TSHZ3: variants seen among roughly 807,000 people sequenced by gnomAD.
TSHZ3 encodes the protein teashirt zinc finger homeobox 3.
A neutral mutation model predicts 64.5 loss-of-function variants in TSHZ3; 10 were observed. The ratio of observed to expected loss-of-function variants is 0.16; its 90% CI spans 0.10 to 0.26. TSHZ3 has a LOEUF of 0.26. TSHZ3 is among the 10% of genes least tolerant of loss of function. TSHZ3 has a pLI of 1.00. For synonymous variants in TSHZ3, 608 were observed against 593.1 expected (o/e 1.03, Z -0.36); for missense variants, 1,242 against 1,421.7 (o/e 0.87, Z 2.03).
chr19:31,199,722 T>C (rs1014825960), intron 5 of TSHZ3, among the ~76,000 whole-genome samples: 1 of 97,812 alleles, frequency 1.0e-5, no homozygotes, highest in African/African-American at 4.3e-5. Flanking sequence ...TAAGCTGGAC[T>C]TCACTAAAAT....
chr19:31,247,236 C>T (rs1177930795), intron 1 of TSHZ3, among the ~76,000 whole-genome samples: 1 of 152,016 alleles, frequency 6.6e-6, no homozygotes, highest in Non-Finnish European at 1.5e-5. Context: ...GAAATATCTC[C>T]CATAAGACGC....
intron 1 of TSHZ3, among the ~76,000 whole-genome samples, chr19:31,336,776 C>T (rs905124551): frequency 1.3e-5 from 2 of 152,128 alleles, no homozygotes; most frequent in Non-Finnish European, 2.9e-5. Context: ...CCAGGAAAGC[C>T]AGAGATTTTT....
intron 1 of TSHZ3, among the ~76,000 whole-genome samples, chr19:31,327,755 A>T (rs1318856059): frequency 6.6e-6 from 1 of 152,246 alleles, no homozygotes; most frequent in African/African-American, 2.4e-5. Flanking sequence ...ATCTTACCAC[A>T]TATTGAAATA....
At chr19:31,323,350 T>C (rs556036657) in intron 1 of TSHZ3, among the ~76,000 whole-genome samples, 1 of 152,288 alleles carries the variant, frequency 6.6e-6, no homozygotes, top group African/African-American at 2.4e-5. Context: ...TTGGGGGCCT[T>C]TAAAAATCAG....
At chr19:31,327,099 G>A (rs1916954109) in intron 1 of TSHZ3, among the ~76,000 whole-genome samples, 1 of 151,978 alleles carries the variant, frequency 6.6e-6, no homozygotes, top group Non-Finnish European at 1.5e-5. Context: ...ACCAGCAGAG[G>A]AGTAAAAAGC....
At chr19:31,170,110 T>C (rs1466033112) in intron 5 of TSHZ3, among the ~76,000 whole-genome samples, 1 of 152,222 alleles carries the variant, frequency 6.6e-6, no homozygotes, top group Non-Finnish European at 1.5e-5. Context: ...AGGTCACTGT[T>C]GCTGATTGGG....
At position 31,185,840 on chromosome 19, in the gene TSHZ3, C is replaced by A. The variant is rs77903293; in HGVS notation, n.809+19116G>T. Among the ~76,000 whole-genome samples, 1,399 of 152,294 alleles carry A rather than the reference C, an allele frequency of 9.2e-3. 21 individuals carry two copies. Among genetic ancestry groups the A allele is most frequent in the African/African-American group, 0.032 (1,334 of 41,556 alleles). ...CCCAGTCAGTGCCTGCCTTCCCACC[C>A]ATCCAAGCAATCACTGTTCTGGTTT... On this transcript the variant is annotated intron_variant and non_coding_transcript_variant, in intron 5 of 6. Transcript: ENST00000651361.
intron 1 of TSHZ3, among the ~76,000 whole-genome samples, chr19:31,299,398 A>C (rs1976717806): frequency 6.6e-6 from 1 of 152,198 alleles, no homozygotes; most frequent in African/African-American, 2.4e-5. Flanking sequence ...AAGGTAGATA[A>C]AGCAAGAAAT....
intron 1 of TSHZ3, among the ~76,000 whole-genome samples, chr19:31,327,906 A>G (rs1404515929): frequency 6.6e-6 from 1 of 152,248 alleles, no homozygotes; most frequent in Non-Finnish European, 1.5e-5. Flanking sequence ...TAGAGTTTAC[A>G]TGGACATTGT....
At chr19:31,193,731 A>G (rs78594951) in intron 5 of TSHZ3, among the ~76,000 whole-genome samples, 2,239 of 152,284 alleles carry the variant, frequency 0.015, 49 homozygotes, top group African/African-American at 0.051. Context: ...ATACATTATG[A>G]TGTGGATAAC....
At chr19:31,304,504 A>G (rs1976806772) in intron 1 of TSHZ3, among the ~76,000 whole-genome samples, 2 of 123,460 alleles carry the variant, frequency 1.6e-5, no homozygotes, top group African/African-American at 5.7e-5. Context: ...CCATAACAAC[A>G]ACAACAACAA....
At chr19:31,252,109 T>G in intron 1 of TSHZ3, among the ~76,000 whole-genome samples, 1 of 152,202 alleles carries the variant, frequency 6.6e-6, no homozygotes, top group Non-Finnish European at 1.5e-5. Flanking sequence ...CCTGAGGCCA[T>G]GACATTAAAC....
chr19:31,349,187 G>T lies in TSHZ3; in HGVS notation c.33C>A (p.Arg11=). ...AGGGGAAGCGGCTCGTACCTGCTGC[G>T]CGCCGGGGCGCCTGCTGCTTCCTCC... MPRRKQQAPR[R]AAAYVSEELK... Residue 11 remains arginine, a synonymous_variant, in exon 1 of 2, where the codon CGC becomes CGA. Coordinates refer to ENST00000240587, the MANE Select transcript of TSHZ3 (RefSeq NM_020856.4). 2 of 1,542,310 alleles carry T rather than the reference G, an allele frequency of 1.3e-6. No homozygotes were observed. Among genetic ancestry groups the T allele is most frequent in the Non-Finnish European group, 1.7e-6 (2 of 1,144,648 alleles).
chr19:31,303,525 C>A (rs1976789307), intron 1 of TSHZ3, among the ~76,000 whole-genome samples: 1 of 152,154 alleles, frequency 6.6e-6, no homozygotes, highest in Non-Finnish European at 1.5e-5. Context: ...ACCTGACCAT[C>A]TCGGTGGGGT....
chr19:31,177,612 G>C (rs570386843), intron 5 of TSHZ3, among the ~76,000 whole-genome samples: 28 of 152,344 alleles, frequency 1.8e-4, no homozygotes, highest in African/African-American at 6.0e-4. Flanking sequence ...TCCACGATGA[G>C]CTCCTGCTTT....
chr19:31,181,746 T>C (rs1286975255), intron 5 of TSHZ3, among the ~76,000 whole-genome samples: 2 of 152,206 alleles, frequency 1.3e-5, no homozygotes, highest in African/African-American at 4.8e-5. Flanking sequence ...CCAGGGGACT[T>C]GGAAAGTGGC....
At chr19:31,256,264 G>C (rs1159703804) in intron 1 of TSHZ3, among the ~76,000 whole-genome samples, 1 of 152,128 alleles carries the variant, frequency 6.6e-6, no homozygotes, top group Non-Finnish European at 1.5e-5. Context: ...AGTCTTCCCT[G>C]TCTAGTGAAG....
chr19:31,223,319 C>A (rs1034809457), intron 4 of TSHZ3, among the ~76,000 whole-genome samples: 3 of 151,952 alleles, frequency 2.0e-5, no homozygotes. Flanking sequence ...TATACCTTCT[C>A]CCAGGTAGGT....
chr19:31,343,818 A>G (rs1390553420), intron 1 of TSHZ3, among the ~76,000 whole-genome samples: 3 of 151,390 alleles, frequency 2.0e-5, no homozygotes, highest in Non-Finnish European at 4.4e-5. Context: ...GAAACAGGGG[A>G]AAAATATTGA....
Sources: gnomAD v4.1 joint callset for allele counts (sites outside exome capture counted in the v4.1 genomes callset) on GRCh38, gnomAD v4.1.1 for gene constraint, MANE v1.5 for transcripts, NCBI Gene and HGNC (gene_info 2026-07-23, HGNC 2026-07-21) for gene names.